The following STX11 variants were observed in gnomAD, a reference collection of about 807,000 sequenced individuals.
The protein encoded by STX11 is syntaxin 11.
In STX11, 21 loss-of-function variants were observed where a neutral mutation model predicts 19.9. The observed-to-expected ratio is 1.06, with a 90% CI of 0.75 to 1.52. The LOEUF (loss-of-function observed/expected upper bound fraction) is 1.52, where lower values mean the gene tolerates loss of function less well. Among genes scored for constraint, STX11 ranks in the 40% most tolerant of loss-of-function variants. The pLI, the probability that STX11 is intolerant of heterozygous loss-of-function variation, is 0.00. For missense variants in STX11, 438 were observed against 405.9 expected (o/e 1.08, Z -0.68); for synonymous variants, 193 against 174.4 (o/e 1.11, Z -0.84).
In STX11 at chr6:144,169,284, T is replaced by C. The variant is rs1801564387; in HGVS notation, c.-5-17339T>C. ...GGCAATAACACCAAAACGGTGATGT[T>C]TTATCAGCATTGCAAACTTGTTGTG... On this transcript the variant is annotated intron_variant, in intron 1 of 1. Transcript: ENST00000367568. The surrounding 1 kb of genome is among the most constrained non-coding windows in gnomAD (Gnocchi z 5.2). Among the ~76,000 whole-genome samples the C allele has an allele frequency of 6.6e-6, 1 of 152,202 alleles. No individual in the cohort carries two copies. Among genetic ancestry groups the C allele is most frequent in the African/African-American group, 2.4e-5 (1 of 41,442 alleles).
chr6:144,187,136 A>G lies in STX11; in HGVS notation c.509A>G (p.Lys170Arg). The G allele has an allele frequency of 6.2e-7, 1 of 1,614,022 alleles. No homozygotes were observed. Among genetic ancestry groups the G allele is most frequent in the Non-Finnish European group, 8.5e-7 (1 of 1,180,016 alleles). The change falls in exon 2 of 2, where the codon AAG (lysine) becomes AGG (arginine). Residue 170 changes from lysine (K) to arginine (R), a missense_variant. Coordinates refer to ENST00000367568, the MANE Select transcript of STX11 (RefSeq NM_003764.4). This position sits in a 1 kb window ranked among gnomAD's most constrained non-coding sequence, Gnocchi z 5.6. ...CAGCGCCAGCTGGAGATCATGGGCA[A>G]GGAAGTCTCGGGCGACCAGATCGAG... Reference protein sequence around the residue: ...RIQRQLEIMGKEVSGDQIEDM... With the variant: ...RIQRQLEIMGREVSGDQIEDM...
In STX11 at chr6:144,162,490, C is replaced by A; in HGVS notation, c.-6+11787C>A. 6.6e-6 allele frequency among the ~76,000 whole-genome samples: 1 copy of A among 152,124 alleles called. No individual in the cohort carries two copies. Among genetic ancestry groups the A allele is most frequent in the East Asian group, 1.9e-4 (1 of 5,196 alleles). ...GGGAGCAAAAGTAATGTTCAATTTGCTATTTTATCCAGAATGTGGAAGGCG... is the reference window on the plus strand; with the variant it reads ...GGGAGCAAAAGTAATGTTCAATTTGATATTTTATCCAGAATGTGGAAGGCG... On this transcript the variant is annotated intron_variant, in intron 1 of 1. Coordinates refer to ENST00000367568, the MANE Select transcript of STX11 (RefSeq NM_003764.4). This position sits in a 1 kb window ranked among gnomAD's most constrained non-coding sequence, Gnocchi z 4.6.
chr6:144,160,937 T>C lies in STX11; in HGVS notation c.-6+10234T>C, dbSNP rs1264362354. On this transcript the variant is annotated intron_variant, in intron 1 of 1. Transcript: ENST00000367568. The surrounding 1 kb of genome is among the most constrained non-coding windows in gnomAD (Gnocchi z 4.3). The stretch of plus-strand genomic sequence containing the variant: ...CCTTTGGCATATTCCTTGGTTTATC[T>C]CAAGTATAACTTGATTCATGTTCTC... Among the ~76,000 whole-genome samples, 1 of 152,248 alleles carries C rather than the reference T, an allele frequency of 6.6e-6. No homozygotes were observed. The highest frequency in any genetic ancestry group is 1.5e-5 in the Non-Finnish European group (1 of 68,050).
At position 144,169,663 on chromosome 6, in the gene STX11, CCCTTCCTTCCTT is replaced by C. The variant is rs144586806; in HGVS notation, c.-5-16946_-5-16935del. On this transcript the variant is annotated intron_variant, in intron 1 of 1. Coordinates refer to ENST00000367568, the MANE Select transcript of STX11 (RefSeq NM_003764.4). This position sits in a 1 kb window ranked among gnomAD's most constrained non-coding sequence, Gnocchi z 5.2. ...CTCCTTTTCTTTTCCCTCCCTCCCT[CCCTTCCTTCCTT>C]CCTTCCTTCCTTCTTTCTTTCCTTC... 2.5e-4 allele frequency among the ~76,000 whole-genome samples: 35 copies of C among 139,806 alleles called. No homozygotes were observed. Among genetic ancestry groups the C allele is most frequent in the African/African-American group, 9.0e-4 (34 of 37,722 alleles). The allele number at this position is 139,806 out of a possible 152,430, so 91.7% of individuals were successfully genotyped here. A position where few individuals can be genotyped will look rare whatever the true frequency, so the allele number is the denominator to read the frequency against.
At chr6:144,157,553 G>T (rs879410155) in intron 1 of STX11, among the ~76,000 whole-genome samples, 1 of 152,220 alleles carries the variant, frequency 6.6e-6, no homozygotes, top group Non-Finnish European at 1.5e-5. Flanking sequence ...GTGGAGCCCA[G>T]AAAGTTGTCA....
rs1802118908 is a variant in STX11, at chr6:144,188,321, G to T, written c.*830G>T. 4.4e-6 allele frequency: 1 copy of T among 229,446 alleles called. No individual in the cohort carries two copies. The highest frequency in any genetic ancestry group is 7.2e-5 in the East Asian group (1 of 13,916). 14.2% of individuals were successfully genotyped at this position (229,446 alleles called of 1,614,324 possible). A position where few individuals can be genotyped will look rare whatever the true frequency, so the allele number is the denominator to read the frequency against. On this transcript the variant is annotated 3_prime_UTR_variant, in exon 2 of 2. Coordinates refer to ENST00000367568, the MANE Select transcript of STX11 (RefSeq NM_003764.4). ...AATATATGTACATAATGATCAATTG[G>T]TTTAACTTCTTTTATGTAAGTATGG...
At chr6:144,146,080 C>T (rs551651253), upstream of STX11, among the ~76,000 whole-genome samples, 80 of 152,270 alleles carry the variant, frequency 5.3e-4, no homozygotes, top group African/African-American at 1.9e-3. The surrounding 1 kb of genome is among the most constrained non-coding windows in gnomAD (Gnocchi z 4.4). Context: ...TACAGGGATA[C>T]GCAATGACTA....
chr6:144,175,597 G>A lies in STX11; in HGVS notation c.-5-11026G>A, dbSNP rs934218389. On this transcript the variant is annotated intron_variant, in intron 1 of 1. Transcript: ENST00000367568. This position sits in a 1 kb window ranked among gnomAD's most constrained non-coding sequence, Gnocchi z 5.1. ...GCTGGGATTACAGGCATGAGCCACC[G>A]CGCCCAGCCTTAATAACACTCTTTT... Among the ~76,000 whole-genome samples, 2 of 152,104 alleles carry A rather than the reference G, an allele frequency of 1.3e-5. No individual in the cohort carries two copies. Among genetic ancestry groups the A allele is most frequent in the African/African-American group, 2.4e-5 (1 of 41,404 alleles).
intron 1 of STX11, 31 bp from the exon 2 acceptor site, chr6:144,186,592 A>C: frequency 6.2e-7 from 1 of 1,613,570 alleles, no homozygotes; most frequent in East Asian, 2.2e-5. Flanking sequence ...CTCTCAATAG[A>C]GAAATTTAAC....
At chr6:144,142,135 A>G in the STX11 span, among the ~76,000 whole-genome samples, 391 of 151,698 alleles carry the variant, frequency 2.6e-3, 2 homozygotes, top group Non-Finnish European at 4.7e-3. Context: ...CCTCTCTTAA[A>G]TAGGGTTGAG....
At chr6:144,140,746 C>A in the STX11 span, 1 of 985,168 alleles carries the variant, frequency 1.0e-6, no homozygotes, top group South Asian at 4.7e-5. Flanking sequence ...CATGGAGCAG[C>A]CTCAAGGGGA....
rs951107298 is a variant in STX11 at position 144,159,834 on chromosome 6, G to T, written c.-6+9131G>T. 6.6e-6 allele frequency among the ~76,000 whole-genome samples: 1 copy of T among 152,096 alleles called. No homozygotes were observed. Among genetic ancestry groups the T allele is most frequent in the East Asian group, 1.9e-4 (1 of 5,190 alleles). On this transcript the variant is annotated intron_variant, in intron 1 of 1. Transcript: ENST00000367568. The surrounding 1 kb of genome is among the most constrained non-coding windows in gnomAD (Gnocchi z 4.3). Reference sequence around the variant, plus strand: ...TTTTGGGTCTTGTTGGAGACAGTGGGTGAAGTGCATTGCCCCAGAAGTCCA... The same window carrying T: ...TTTTGGGTCTTGTTGGAGACAGTGGTTGAAGTGCATTGCCCCAGAAGTCCA...
At chr6:144,144,857 A>T in the STX11 span, among the ~76,000 whole-genome samples, 19,034 of 152,140 alleles carry the variant, frequency 0.13, 2,279 homozygotes, top group African/African-American at 0.31. Flanking sequence ...TGTGTCCTGC[A>T]GGGTATGAAA....
rs1802177914 is a variant in STX11, at chr6:144,190,087, A to T, written c.*2596A>T. Among the ~76,000 whole-genome samples, 1 of 152,236 alleles carries T rather than the reference A, an allele frequency of 6.6e-6. No individual in the cohort carries two copies. The highest frequency in any genetic ancestry group is 1.5e-5 in the Non-Finnish European group (1 of 68,038). ...CACGTTTTATATTGGAGAGTTCGGT[A>T]CAGACTGTCCATTACTGCACCAAAA... On this transcript the variant is annotated 3_prime_UTR_variant, in exon 2 of 2. Transcript: ENST00000367568.
In STX11 at chr6:144,165,356, G is replaced by C. The variant is rs908515748; in HGVS notation, c.-6+14653G>C. On this transcript the variant is annotated intron_variant, in intron 1 of 1. Coordinates refer to ENST00000367568, the MANE Select transcript of STX11 (RefSeq NM_003764.4). The surrounding 1 kb of genome is among the most constrained non-coding windows in gnomAD (Gnocchi z 5.8). ...TGTAATCCCAGCTACTCGGGAGACT[G>C]AGGCAGGAGAATTGCTTGAACCCGG... is the stretch of plus-strand genomic sequence containing the variant. Among the ~76,000 whole-genome samples the C allele has an allele frequency of 3.3e-5, 5 of 152,028 alleles. No homozygotes were observed. The highest frequency in any genetic ancestry group is 1.2e-4 in the African/African-American group (5 of 41,400).
chr6:144,182,021 A>G lies in STX11; in HGVS notation c.-5-4602A>G, dbSNP rs537243311. Among the ~76,000 whole-genome samples, 1 of 152,366 alleles carries G rather than the reference A, an allele frequency of 6.6e-6. No individual in the cohort carries two copies. Among genetic ancestry groups the G allele is most frequent in the Non-Finnish European group, 1.5e-5 (1 of 68,022 alleles). On this transcript the variant is annotated intron_variant, in intron 1 of 1. Coordinates refer to ENST00000367568, the MANE Select transcript of STX11 (RefSeq NM_003764.4). This position sits in a 1 kb window ranked among gnomAD's most constrained non-coding sequence, Gnocchi z 4.8. ...ATTGAAGCAGGACTTATTTTTAGCA[A>G]CTTGATGAATGCAATTTACCAAAGT... is the stretch of plus-strand genomic sequence containing the variant.
the STX11 span, among the ~76,000 whole-genome samples, chr6:144,142,790 C>T: frequency 2.6e-5 from 4 of 152,224 alleles, no homozygotes; most frequent in Admixed American, 6.5e-5. Flanking sequence ...GTACAAATTA[C>T]GGTTGGATAA....
chr6:144,156,728 GT>G (rs1473881157), intron 1 of STX11, among the ~76,000 whole-genome samples: 2 of 152,138 alleles, frequency 1.3e-5, no homozygotes, highest in African/African-American at 4.8e-5. Context: ...AGGACATAGT[GT>G]ATTAGCTAAA....
At position 144,186,997 on chromosome 6, in the gene STX11, G is replaced by A. The variant is rs763273407; in HGVS notation, c.370G>A (p.Val124Met). 6.5e-5 allele frequency: 105 copies of A among 1,610,124 alleles called. No individual in the cohort carries two copies. The highest frequency in any genetic ancestry group is 8.8e-5 in the Non-Finnish European group (104 of 1,179,710). ...AEAQHGPHSA[V>M]ARISRAQYNA... is the part of the protein sequence containing the mutation. ...GGCCCAGCACGGCCCGCACTCGGCAGTGGCGCGCATTTCGCGGGCGCAGTA... is the reference window on the plus strand; with the variant it reads ...GGCCCAGCACGGCCCGCACTCGGCAATGGCGCGCATTTCGCGGGCGCAGTA... Residue 124 changes from valine (V) to methionine (M), a missense_variant, in exon 2 of 2, where the codon GTG becomes ATG. Val to Met is a conservative substitution (Grantham distance 21). Coordinates refer to ENST00000367568, the MANE Select transcript of STX11 (RefSeq NM_003764.4).
Sources: allele counts gnomAD v4.1 joint callset (sites outside exome capture counted in the v4.1 genomes callset), GRCh38; gene constraint gnomAD v4.1.1; non-coding constraint Gnocchi (gnomAD v3.1); transcripts MANE v1.5; gene names NCBI Gene and HGNC (gene_info 2026-07-23, HGNC 2026-07-21).